The following TAF4B variants were observed in gnomAD, a reference collection of about 807,000 sequenced individuals.
TAF4B encodes transcription initiation factor TFIID subunit 4B.
In TAF4B, 38 loss-of-function variants were observed where a neutral mutation model predicts 86.4. The observed-to-expected ratio is 0.44, with a 90% CI of 0.34 to 0.58. TAF4B has a LOEUF of 0.58. Ranked by LOEUF, TAF4B falls within the 20% of genes least tolerant of loss-of-function variation. The probability of loss-of-function intolerance (pLI) is 0.02; values close to 1 mark genes in which losing one functional copy is unlikely to be tolerated. For missense variants in TAF4B, 988 were observed against 1,027.6 expected (o/e 0.96, Z 0.53); for synonymous variants, 388 against 391.2 (o/e 0.99, Z 0.10).
At position 26,387,320 on chromosome 18, in the gene TAF4B, T is replaced by G. The variant is rs910493025; in HGVS notation, c.2422-2525T>G. On this transcript the variant is annotated intron_variant, in intron 14 of 14. Coordinates refer to ENST00000269142, the MANE Select transcript of TAF4B (RefSeq NM_005640.3). Reference sequence around the variant, plus strand: ...CTGACCTCAAGCGATTTGCTTGCCTTGGCCTAAATATGTTGTAGTTTTAAA... The same window carrying G: ...CTGACCTCAAGCGATTTGCTTGCCTGGGCCTAAATATGTTGTAGTTTTAAA... Among the ~76,000 whole-genome samples the G allele has an allele frequency of 2.3e-4, 35 of 152,182 alleles. 1 individual carries two copies. The highest frequency in any genetic ancestry group is 2.9e-5 in the Non-Finnish European group (2 of 68,030).
chr18:26,269,754 G>A (rs1406841712), intron 3 of TAF4B, among the ~76,000 whole-genome samples: 1 of 152,194 alleles, frequency 6.6e-6, no homozygotes, highest in East Asian at 1.9e-4. Context: ...CTATAAGGAA[G>A]TGTTATCTCT....
intron 7 of TAF4B, among the ~76,000 whole-genome samples, chr18:26,289,334 T>C (rs1791768): frequency 0.36 from 54,609 of 152,058 alleles, 11,989 homozygotes; most frequent in East Asian, 0.81. Context: ...ATTTAAAATA[T>C]AAGAATTACT....
At chr18:26,359,783 T>C (rs2057316347) in intron 14 of TAF4B, among the ~76,000 whole-genome samples, 1 of 152,160 alleles carries the variant, frequency 6.6e-6, no homozygotes, top group Non-Finnish European at 1.5e-5. Flanking sequence ...TGGCACAATC[T>C]TGGCTCACTG....
intron 7 of TAF4B, among the ~76,000 whole-genome samples, chr18:26,286,930 C>T (rs1226633453): frequency 2.6e-5 from 4 of 152,126 alleles, no homozygotes; most frequent in Admixed American, 6.5e-5. Context: ...ATGATCCACC[C>T]GCCTTGGCCT....
chr18:26,275,594 G>T (rs2056374523), intron 5 of TAF4B, among the ~76,000 whole-genome samples: 1 of 152,112 alleles, frequency 6.6e-6, no homozygotes, highest in South Asian at 2.1e-4. Flanking sequence ...AATTGTATAT[G>T]TTTAAGGTAT....
At chr18:26,385,934 T>C (rs930047259) in intron 14 of TAF4B, among the ~76,000 whole-genome samples, 3 of 152,172 alleles carry the variant, frequency 2.0e-5, no homozygotes, top group Admixed American at 2.0e-4. Context: ...TCTGGCCAGG[T>C]CATTGTGATT....
At chr18:26,332,931 A>G (rs753202679) in intron 12 of TAF4B, among the ~76,000 whole-genome samples, 2 of 151,852 alleles carry the variant, frequency 1.3e-5, no homozygotes, top group South Asian at 2.1e-4. Flanking sequence ...CCTTTTTTCT[A>G]TGCTTCAACC....
chr18:26,357,350 A>G (rs1025162417), intron 13 of TAF4B, among the ~76,000 whole-genome samples: 3 of 152,344 alleles, frequency 2.0e-5, no homozygotes, highest in Non-Finnish European at 4.4e-5. Context: ...ATGGTTTACT[A>G]TAGTTTGACC....
intron 14 of TAF4B, among the ~76,000 whole-genome samples, chr18:26,368,555 A>G (rs576116404): frequency 1.2e-4 from 18 of 152,322 alleles, no homozygotes; most frequent in Non-Finnish European, 2.5e-4. Flanking sequence ...ACAGGGGACC[A>G]CAGTTTTCTA....
chr18:26,380,406 C>G (rs968115281), intron 14 of TAF4B, among the ~76,000 whole-genome samples: 3 of 151,978 alleles, frequency 2.0e-5, no homozygotes, highest in Admixed American at 2.0e-4. Flanking sequence ...CTTTTTTGAC[C>G]TACAGATTAT....
At chr18:26,247,202 A>G (rs1182739515) in intron 1 of TAF4B, among the ~76,000 whole-genome samples, 3 of 152,232 alleles carry the variant, frequency 2.0e-5, no homozygotes, top group African/African-American at 4.8e-5. Flanking sequence ...TGTCTCTAAA[A>G]TACGGTTAAT....
intron 9 of TAF4B, 109 bp from the exon 10 acceptor site, chr18:26,315,120 C>G (rs907681365): frequency 3.3e-4 from 95 of 288,318 alleles, no homozygotes; most frequent in African/African-American, 1.9e-3. Flanking sequence ...CTCTCTCTCT[C>G]TCTCTCTCTC....
intron 5 of TAF4B, 138 bp downstream of exon 5, chr18:26,275,191 T>G: frequency 3.1e-6 from 3 of 971,282 alleles, no homozygotes; most frequent in Non-Finnish European, 4.1e-6. Flanking sequence ...AGTCTCGCTC[T>G]GTTGCCCAAG....
chr18:26,345,837 A>G (rs2057173473), intron 13 of TAF4B, among the ~76,000 whole-genome samples: 1 of 152,254 alleles, frequency 6.6e-6, no homozygotes, highest in African/African-American at 2.4e-5. Context: ...ATCATAAGGA[A>G]GTACATAAAA....
intron 1 of TAF4B, among the ~76,000 whole-genome samples, chr18:26,244,613 C>T (rs1010647042): frequency 6.6e-6 from 1 of 152,218 alleles, no homozygotes; most frequent in African/African-American, 2.4e-5. Context: ...AACCCAGTAC[C>T]TCAGTTGGGG....
At chr18:26,307,168 C>A (rs577396240) in intron 9 of TAF4B, among the ~76,000 whole-genome samples, 2 of 152,044 alleles carry the variant, frequency 1.3e-5, no homozygotes, top group African/African-American at 4.8e-5. Flanking sequence ...GAAATAGTAG[C>A]GAATAATATT....
chr18:26,272,045 A>G (rs983897984), intron 3 of TAF4B, among the ~76,000 whole-genome samples: 26 of 151,672 alleles, frequency 1.7e-4, no homozygotes, highest in African/African-American at 6.3e-4. Context: ...CCATCTCACA[A>G]ATTGAATCTC....
chr18:26,230,078 TATTA>T, intron 1 of TAF4B, among the ~76,000 whole-genome samples: 1 of 152,138 alleles, frequency 6.6e-6, no homozygotes, highest in African/African-American at 2.4e-5. Context: ...TTTGAGGAAA[TATTA>T]ATAAAAGGTT....
chr18:26,389,498 A>C (rs1488199929), intron 14 of TAF4B, among the ~76,000 whole-genome samples: 2 of 152,252 alleles, frequency 1.3e-5, no homozygotes, highest in Non-Finnish European at 1.5e-5. Context: ...GTGATAAACA[A>C]GTCTTTCACT....
Sources: allele counts gnomAD v4.1 joint callset (sites outside exome capture counted in the v4.1 genomes callset), GRCh38; gene constraint gnomAD v4.1.1; transcripts MANE v1.5; gene names NCBI Gene and HGNC (gene_info 2026-07-23, HGNC 2026-07-21).